The following EVC2 variants were observed in gnomAD, a reference collection of about 807,000 sequenced individuals.
EVC2 encodes the protein limbin.
In EVC2, 148 loss-of-function variants were observed where a neutral mutation model predicts 149.3. That is an observed-to-expected ratio of 0.99 (90% CI 0.87 to 1.14). The LOEUF (loss-of-function observed/expected upper bound fraction) is 1.14, where lower values mean the gene tolerates loss of function less well. Among genes scored for constraint, EVC2 ranks in the 50% most tolerant of loss-of-function variants. EVC2 has a pLI of 0.00. For synonymous variants in EVC2, 776 were observed against 649.9 expected, an observed-to-expected ratio of 1.19 and a Z score of -2.95; for missense variants, 1,854 against 1,627.3, an observed-to-expected ratio of 1.14 and a Z score of -2.40.
Position 5,574,686 on chromosome 4 carries a change from T to C in EVC2, c.3359A>G (p.Gln1120Arg). ...EADTFATLCS[Q>R]ELRLASYLAR... is the part of the protein sequence containing the mutation. Reference sequence around the variant, plus strand: ...CAGACCCTGCCAGTACCTTCTCACCTGGCTGCACAGGGTTGCAAAGGTGTC... The same window carrying C: ...CAGACCCTGCCAGTACCTTCTCACCCGGCTGCACAGGGTTGCAAAGGTGTC... The change falls in exon 19 of 22, where the codon CAG becomes CGG. Residue 1120 changes from glutamine (Q) to arginine (R), a missense_variant and splice_region_variant. Coordinates refer to ENST00000344408, the MANE Select transcript of EVC2 (RefSeq NM_147127.5). 1.2e-6 allele frequency: 2 copies of C among 1,614,194 alleles called. No individual in the cohort carries two copies. The highest frequency in any genetic ancestry group is 1.7e-6 in the Non-Finnish European group (2 of 1,180,004).
chr4:5,543,058 A>C, exon 22 of EVC2: 3 of 1,037,604 alleles, frequency 2.9e-6, no homozygotes, highest in Non-Finnish European at 3.9e-6. Flanking sequence ...TTACGCAAAC[A>C]GAGGCTCCAA....
downstream of EVC2, among the ~76,000 whole-genome samples, chr4:5,541,783 C>G (rs1282341760): frequency 6.6e-6 from 1 of 152,134 alleles, no homozygotes; most frequent in Non-Finnish European, 1.5e-5. Context: ...TTCACCCGTT[C>G]ATTCAACCAA....
rs897448241 is a variant in EVC2 at position 5,696,019 on chromosome 4, G to A, written c.284-1518C>T. 6.6e-6 allele frequency among the ~76,000 whole-genome samples: 1 copy of A among 152,170 alleles called. No individual in the cohort carries two copies. The highest frequency in any genetic ancestry group is 2.4e-5 in the African/African-American group (1 of 41,440). On this transcript the variant is annotated intron_variant, in intron 2 of 21. Coordinates refer to ENST00000344408, the MANE Select transcript of EVC2 (RefSeq NM_147127.5). This position sits in a 1 kb window ranked among gnomAD's most constrained non-coding sequence, Gnocchi z 4.1. ...GGGCTCCAATTGCATCAAGCATCGG[G>A]GAACTGATGGCCCTCGCCATGGAAA...
In EVC2 at chr4:5,614,276, C is replaced by A. The variant is rs2108827141; in HGVS notation, c.2829+1146G>T. 6.6e-6 allele frequency among the ~76,000 whole-genome samples: 1 copy of A among 152,334 alleles called. No homozygotes were observed. The highest frequency in any genetic ancestry group is 1.5e-5 in the Non-Finnish European group (1 of 68,028). ...CTTAATAGCACTGATGACAGTCTATCATTTTAAGTGTTTATGATCCATTTC... is the reference window on the plus strand; with the variant it reads ...CTTAATAGCACTGATGACAGTCTATAATTTTAAGTGTTTATGATCCATTTC... On this transcript the variant is annotated intron_variant, in intron 16 of 21. Transcript: ENST00000344408. This position sits in a 1 kb window ranked among gnomAD's most constrained non-coding sequence, Gnocchi z 4.7.
At chr4:5,700,939 C>T (rs937014532) in intron 1 of EVC2, among the ~76,000 whole-genome samples, 2 of 152,234 alleles carry the variant, frequency 1.3e-5, no homozygotes, top group Non-Finnish European at 2.9e-5. Flanking sequence ...CACATCACTG[C>T]AAATGTAGTG....
At chr4:5,610,191 C>T (rs1660281721) in intron 16 of EVC2, among the ~76,000 whole-genome samples, 1 of 152,146 alleles carries the variant, frequency 6.6e-6, no homozygotes, top group Non-Finnish European at 1.5e-5. Flanking sequence ...GGACTATGGA[C>T]ATACATATAG....
At chr4:5,638,725 C>T (rs906080571) in intron 10 of EVC2, among the ~76,000 whole-genome samples, 1 of 152,002 alleles carries the variant, frequency 6.6e-6, no homozygotes. Flanking sequence ...TAGGTGGGAC[C>T]TAAATTCAAT....
chr4:5,542,421 C>T (rs1721531580), downstream of EVC2, among the ~76,000 whole-genome samples: 1 of 152,208 alleles, frequency 6.6e-6, no homozygotes. Context: ...TGCCACTGCA[C>T]TCCAGCCTGG....
downstream of EVC2, among the ~76,000 whole-genome samples, chr4:5,560,861 A>G (rs1033894474): frequency 6.6e-6 from 1 of 152,190 alleles, no homozygotes; most frequent in Admixed American, 6.5e-5. This position sits in a 1 kb window ranked among gnomAD's most constrained non-coding sequence, Gnocchi z 4.1. Context: ...AAAGTTGTAG[A>G]GCCACAGTTT....
At chr4:5,678,088 G>T (rs1720108876) in intron 7 of EVC2, among the ~76,000 whole-genome samples, 3 of 152,242 alleles carry the variant, frequency 2.0e-5, no homozygotes. Context: ...CCTTCCTGTA[G>T]GGCTGGGCCT....
intron 16 of EVC2, among the ~76,000 whole-genome samples, chr4:5,605,031 C>T (rs1714274129): frequency 6.6e-6 from 1 of 152,038 alleles, no homozygotes; most frequent in Admixed American, 6.6e-5. Flanking sequence ...ACTTAATGAA[C>T]AGTAAATATA....
intron 9 of EVC2, among the ~76,000 whole-genome samples, chr4:5,656,364 C>T (rs1718519513): frequency 6.6e-6 from 1 of 152,212 alleles, no homozygotes; most frequent in Non-Finnish European, 1.5e-5. Flanking sequence ...CTCAAGTCTC[C>T]ACTTCCTTCC....
intron 16 of EVC2, among the ~76,000 whole-genome samples, chr4:5,597,864 G>A (rs1713592727): frequency 8.8e-6 from 1 of 113,444 alleles, no homozygotes; most frequent in African/African-American, 3.2e-5. Context: ...AGCAACTTCA[G>A]CAAAGTCTCA....
At chr4:5,672,140 G>A (rs781215190) in intron 7 of EVC2, among the ~76,000 whole-genome samples, 2 of 152,130 alleles carry the variant, frequency 1.3e-5, no homozygotes, top group Non-Finnish European at 2.9e-5. Flanking sequence ...GGAGAACTGG[G>A]GGAGGGAGGG....
chr4:5,688,413 A>G (rs1233254848), intron 5 of EVC2, among the ~76,000 whole-genome samples: 1 of 152,138 alleles, frequency 6.6e-6, no homozygotes, highest in African/African-American at 2.4e-5. Context: ...GGCCAGCCCT[A>G]TGACCTCGGG....
chr4:5,706,333 G>GATAGATAGATAGATAAATAGATAGATAC (rs1722138713), intron 1 of EVC2, among the ~76,000 whole-genome samples: 1 of 104,398 alleles, frequency 9.6e-6, no homozygotes, highest in African/African-American at 4.2e-5. Context: ...TAGATAGATA[G>GATAGATAGATAGATAAATAGATAGATAC]ATAGATACAT....
chr4:5,563,223 A>G, intron 21 of EVC2, 108 bp from the exon 22 acceptor site: 4 of 1,098,154 alleles, frequency 3.6e-6, no homozygotes, highest in Non-Finnish European at 5.4e-6. Flanking sequence ...TCCCCAACCC[A>G]GTGCCATTTT....
intron 1 of EVC2, among the ~76,000 whole-genome samples, chr4:5,701,517 C>G: frequency 6.6e-6 from 1 of 152,128 alleles, no homozygotes; most frequent in Non-Finnish European, 1.5e-5. Context: ...ACACGTTGTC[C>G]GGCCTCCTCT....
rs1722470945 is a variant in EVC2, at chr4:5,568,771, A to G, written c.3361-131T>C. ...ATTTCAGTAGCTTAGTCTGGAAAAC[A>G]TGTTCCCGAACTTTCAGAGCTGTCA... On this transcript the variant is annotated intron_variant, in intron 19 of 21. Coordinates refer to ENST00000344408, the MANE Select transcript of EVC2 (RefSeq NM_147127.5). The G allele has an allele frequency of 6.1e-6, 7 of 1,154,490 alleles. No individual in the cohort carries two copies. The South Asian group carries it at 7.9e-5, about 13-fold the overall frequency. The allele number at this position is 1,154,490 out of a possible 1,614,324, so 71.5% of individuals were successfully genotyped here.
Sources: allele counts gnomAD v4.1 joint callset (sites outside exome capture counted in the v4.1 genomes callset), GRCh38; gene constraint gnomAD v4.1.1; non-coding constraint Gnocchi (gnomAD v3.1); transcripts MANE v1.5; gene names NCBI Gene and HGNC (gene_info 2026-07-23, HGNC 2026-07-21).